OSTM1: variants seen among roughly 807,000 people sequenced by gnomAD.
OSTM1 encodes osteopetrosis-associated transmembrane protein 1.
Under a neutral mutation model 35.4 loss-of-function variants are expected in OSTM1, and 26 were observed. The observed-to-expected ratio is 0.73, with a 90% confidence interval of 0.54 to 1.02. OSTM1 has a LOEUF of 1.02. Among genes scored for constraint, OSTM1 ranks in the 50% least tolerant of loss-of-function variants. OSTM1 has a pLI of 0.00. For synonymous variants in OSTM1, 181 were observed against 165.0 expected (o/e 1.10, Z -0.75); for missense variants, 366 against 409.6 (o/e 0.89, Z 0.92).
intron 1 of OSTM1, among the ~76,000 whole-genome samples, chr6:108,069,678 A>T (rs545432592): frequency 2.0e-5 from 3 of 152,296 alleles, no homozygotes; most frequent in Middle Eastern, 3.4e-3. Flanking sequence ...CTAAAAGGAG[A>T]AAGTATGACT....
Position 108,042,407 on chromosome 6 carries a change from C to CTTTT in OSTM1, c.*2374_*2377dup, listed in dbSNP as rs1398377589. On this transcript the variant is annotated 3_prime_UTR_variant, in exon 6 of 6. Transcript: ENST00000193322. ...CAAAATTTAAGACAGACAGTACTTT[C>CTTTT]TTTTTTCTTTTTTTTTTTTTTTTTT... The CTTTT allele has an allele frequency of 8.1e-6, 1 of 123,222 alleles. No homozygotes were observed. The highest frequency in any genetic ancestry group is 8.9e-5 in the Admixed American group (1 of 11,236). The allele number at this position is 123,222 out of a possible 1,614,324, so 7.6% of individuals were successfully genotyped here.
intron 1 of OSTM1, among the ~76,000 whole-genome samples, chr6:108,071,023 C>G (rs1308886156): frequency 2.1e-5 from 3 of 144,116 alleles, no homozygotes; most frequent in African/African-American, 7.7e-5. Context: ...CCCGTCTTTA[C>G]TAAAAATATA....
Position 108,074,408 on chromosome 6 carries a change from G to A in OSTM1, c.244C>T (p.Pro82Ser), listed in dbSNP as rs1156256957. The change falls in exon 1 of 6, where the codon CCT becomes TCT. Residue 82 changes from proline (P) to serine (S), a missense_variant. Coordinates refer to ENST00000193322, the MANE Select transcript of OSTM1 (RefSeq NM_014028.4). ...SLPPDLPDLDPECRELLLDFA... is the reference protein window; with the variant it reads ...SLPPDLPDLDSECRELLLDFA... ...TCCAGCAGGAGCTCCCGGCACTCAG[G>A]ATCCAGATCCGGCAGGTCCGGGGGC... 1.9e-6 allele frequency: 3 copies of A among 1,570,726 alleles called. No homozygotes were observed. Among genetic ancestry groups the A allele is most frequent in the African/African-American group, 1.3e-5 (1 of 74,242 alleles).
In OSTM1 at chr6:108,041,445, A is replaced by G. The variant is rs1771867124; in HGVS notation, c.*3340T>C. The G allele has an allele frequency of 6.6e-6, 1 of 152,218 alleles. No individual in the cohort carries two copies. Among genetic ancestry groups the G allele is most frequent in the South Asian group, 2.1e-4 (1 of 4,832 alleles). 9.4% of individuals were successfully genotyped at this position (152,218 alleles called of 1,614,324 possible). On this transcript the variant is annotated 3_prime_UTR_variant, in exon 6 of 6. Transcript: ENST00000193322. ...AAGCCCTCTTTAATTCCAAGGAGAT[A>G]AAGAAAGTTATTTGTCATTAAACAT...
Position 108,044,598 on chromosome 6 carries a change from T to A in OSTM1, c.*187A>T. The A allele has an allele frequency of 2.1e-6, 1 of 483,484 alleles. No homozygotes were observed. The highest frequency in any genetic ancestry group is 3.5e-5 in the South Asian group (1 of 28,454). 29.9% of individuals were successfully genotyped at this position (483,484 alleles called of 1,614,324 possible). A position where few individuals can be genotyped will look rare whatever the true frequency, so the allele number is the denominator to read the frequency against. On this transcript the variant is annotated 3_prime_UTR_variant, in exon 6 of 6. Coordinates refer to ENST00000193322, the MANE Select transcript of OSTM1 (RefSeq NM_014028.4). ...TTGCTATGCCTGGAAATTAAAAATA[T>A]CCAAATCTGTTAGAAAGAAGTGGAA...
rs1771871130 is a variant in OSTM1 at position 108,041,692 on chromosome 6, T to C, written c.*3093A>G. Reference sequence around the variant, plus strand: ...CATTTAAGAGTTGACTATCAAAGAATGACTGTTATAAATAAAGAGCTCTAT... The same window carrying C: ...CATTTAAGAGTTGACTATCAAAGAACGACTGTTATAAATAAAGAGCTCTAT... On this transcript the variant is annotated 3_prime_UTR_variant, in exon 6 of 6. Transcript: ENST00000193322. 1 of 152,180 alleles carries C rather than the reference T, an allele frequency of 6.6e-6. No individual in the cohort carries two copies. The highest frequency in any genetic ancestry group is 1.9e-4 in the East Asian group (1 of 5,200). 9.4% of individuals were successfully genotyped at this position (152,180 alleles called of 1,614,324 possible).
intron 2 of OSTM1, among the ~76,000 whole-genome samples, chr6:108,063,644 C>A (rs978423365): frequency 2.6e-5 from 4 of 152,090 alleles, no homozygotes; most frequent in African/African-American, 9.7e-5. Context: ...ACACACAAAC[C>A]TGCAAAGAAG....
chr6:108,068,021 C>T (rs2114610059), intron 1 of OSTM1, among the ~76,000 whole-genome samples: 1 of 152,068 alleles, frequency 6.6e-6, no homozygotes, highest in East Asian at 1.9e-4. Flanking sequence ...ACTTTCGTAC[C>T]CAAGGACTCC....
intron 1 of OSTM1, among the ~76,000 whole-genome samples, chr6:108,073,245 C>G (rs1772517826): frequency 6.6e-6 from 1 of 152,218 alleles, no homozygotes; most frequent in Admixed American, 6.5e-5. Context: ...TTTCATGAGA[C>G]TACTTGCTGT....
chr6:108,046,698 C>A (rs746965745), intron 5 of OSTM1, among the ~76,000 whole-genome samples: 8 of 152,058 alleles, frequency 5.3e-5, no homozygotes, highest in Non-Finnish European at 1.0e-4. Context: ...ACTTCCTGGA[C>A]GAGTGTACTG....
intron 4 of OSTM1, among the ~76,000 whole-genome samples, chr6:108,050,408 G>C (rs1437137922): frequency 7.8e-6 from 1 of 128,054 alleles, no homozygotes; most frequent in Non-Finnish European, 1.5e-5. Context: ...CTGTCGCCCA[G>C]GCTGGAGTGC....
Position 108,074,350 on chromosome 6 carries a change from C to T in OSTM1, c.302G>A (p.Cys101Tyr). Residue 101 changes from cysteine (C) to tyrosine (Y), a missense_variant, in exon 1 of 6, where the codon TGT becomes TAT. Cys to Tyr is a radical substitution (Grantham distance 194). Transcript: ENST00000193322. ...CACGGGCCGGGCGCTGCGCACCAGA[C>T]ACCCTGTCAGCTCTGCGCTGCTGTT... ...FANSSAELTG[C>Y]LVRSARPVRL... 6.2e-7 allele frequency: 1 copy of T among 1,606,928 alleles called. No homozygotes were observed. Among genetic ancestry groups the T allele is most frequent in the Non-Finnish European group, 8.5e-7 (1 of 1,177,488 alleles).
intron 5 of OSTM1, among the ~76,000 whole-genome samples, chr6:108,047,194 G>A (rs1771991470): frequency 1.3e-5 from 2 of 152,198 alleles, no homozygotes; most frequent in Non-Finnish European, 2.9e-5. Flanking sequence ...TCTTAGACTG[G>A]GGAGTCATAA....
At chr6:108,048,419 T>C (rs933230027) in intron 5 of OSTM1, among the ~76,000 whole-genome samples, 5 of 152,252 alleles carry the variant, frequency 3.3e-5, no homozygotes, top group African/African-American at 1.2e-4. Context: ...TAGTTAGTGC[T>C]TCTTTTGCTC....
chr6:108,049,154 CTACTTT>C (rs1372533042), intron 5 of OSTM1, 93 bp downstream of exon 5: 18 of 776,052 alleles, frequency 2.3e-5, no homozygotes, highest in Non-Finnish European at 3.9e-5. Flanking sequence ...TTAGGCTAAT[CTACTTT>C]GAGTTCTCAG....
chr6:108,072,199 A>C (rs1459928381), intron 1 of OSTM1, among the ~76,000 whole-genome samples: 2 of 152,178 alleles, frequency 1.3e-5, no homozygotes, highest in Non-Finnish European at 2.9e-5. Flanking sequence ...ATATGATGCT[A>C]TATCGTATCC....
In OSTM1 at chr6:108,056,557, CAG is replaced by C. The variant is rs569161472; in HGVS notation, c.518-1972_518-1971del. On this transcript the variant is annotated intron_variant, in intron 2 of 5. Transcript: ENST00000193322. ...TGAGATGAAACCTAAACCTGGTAGA[CAG>C]GGGCAGACAGCACAGTAAAGCTCCT... 6.6e-5 allele frequency among the ~76,000 whole-genome samples: 10 copies of C among 152,306 alleles called. No individual in the cohort carries two copies. The South Asian group carries it at 2.1e-3, about 32-fold the overall frequency.
intron 2 of OSTM1, among the ~76,000 whole-genome samples, chr6:108,055,527 C>T (rs1218032420): frequency 6.6e-5 from 10 of 152,202 alleles, no homozygotes; most frequent in African/African-American, 2.4e-4. Context: ...TTTGTCTTTA[C>T]CTCTCCTTGT....
intron 5 of OSTM1, 136 bp downstream of exon 5, chr6:108,049,117 T>C (rs973413440): frequency 3.0e-6 from 2 of 659,172 alleles, no homozygotes; most frequent in Admixed American, 2.7e-5. Context: ...GTAAGCATGA[T>C]TGTAAAACTT....
Sources: allele counts gnomAD v4.1 joint callset (sites outside exome capture counted in the v4.1 genomes callset), GRCh38; gene constraint gnomAD v4.1.1; transcripts MANE v1.5; gene names NCBI Gene and HGNC (gene_info 2026-07-23, HGNC 2026-07-21).